Variants in SLC15A3 observed in about 807,000 individuals in gnomAD.
The protein encoded by SLC15A3 is solute carrier family 15 member 3.
A neutral mutation model predicts 49.2 loss-of-function variants in SLC15A3; 39 were observed. That is an observed-to-expected ratio of 0.79 (90% CI 0.61 to 1.04). The LOEUF is 1.04. SLC15A3 is among the 50% of genes least tolerant of loss of function. The pLI is 0.00. For synonymous variants in SLC15A3, 339 were observed against 367.0 expected (o/e 0.92, Z 0.87); for missense variants, 758 against 794.8 (o/e 0.95, Z 0.56).
intron 2 of SLC15A3, among the ~76,000 whole-genome samples, chr11:60,945,014 G>A (rs1856780593): frequency 6.6e-6 from 1 of 152,174 alleles, no homozygotes; most frequent in Non-Finnish European, 1.5e-5. Context: ...ACCAACAGGT[G>A]GAGTTTACTT....
Position 60,938,016 on chromosome 11 carries a change from A to G in SLC15A3, c.1445T>C (p.Phe482Ser), listed in dbSNP as rs1177319565. 6.2e-7 allele frequency: 1 copy of G among 1,613,664 alleles called. No homozygotes were observed. Among genetic ancestry groups the G allele is most frequent in the African/African-American group, 1.3e-5 (1 of 74,924 alleles). Residue 482 changes from phenylalanine to serine, a missense_variant, in exon 7 of 8, where the codon TTT (phenylalanine) becomes TCT (serine). By Grantham distance (155) the Phe-to-Ser change is radical. Transcript: ENST00000227880. ...GGAGCGCGGGGCCTCTGAGTAGGCAAACTCCAGGCCTGCAGAGGGGGAGCA... is the reference window on the plus strand; with the variant it reads ...GGAGCGCGGGGCCTCTGAGTAGGCAGACTCCAGGCCTGCAGAGGGGGAGCA... ...EIFASIPGLE[F>S]AYSEAPRSMQ... is the part of the protein sequence containing the mutation.
intron 7 of SLC15A3, 154 bp from the exon 8 acceptor site, chr11:60,937,527 T>C: frequency 1.0e-6 from 1 of 972,002 alleles, no homozygotes; most frequent in Admixed American, 2.1e-5. Flanking sequence ...AATGTTTGAC[T>C]TCCTGAAGAT....
rs61744893 is a variant in SLC15A3, at chr11:60,943,779, G to A, written c.906C>T (p.Ser302=). 11,264 of 1,603,832 alleles carry A rather than the reference G, an allele frequency of 7.0e-3. 646 individuals carry two copies. The African/African-American group carries it at 0.13, about 18-fold the overall frequency. The change falls in exon 3 of 8, where the codon TCC becomes TCT. Residue 302 remains serine (S), a synonymous_variant. Coordinates refer to ENST00000227880, the MANE Select transcript of SLC15A3 (RefSeq NM_016582.3). The stretch of plus-strand genomic sequence containing the variant: ...GGAAGTTGGCGATGTCCTCTTGCGG[G>A]GAAGCCCCTGGCTGGGGAGACCTCT... ...ADERSPQPGA[S]PQEDIANFQV...
rs1856917093 is a variant in SLC15A3, at chr11:60,951,303, G to GGAGGC, written c.244_248dup (p.Tyr84ProfsTer106). The GGAGGC allele has an allele frequency of 9.8e-6, 15 of 1,526,910 alleles. No individual in the cohort carries two copies. The highest frequency in any genetic ancestry group is 1.2e-5 in the Non-Finnish European group (14 of 1,139,640). 94.6% of individuals were successfully genotyped at this position (1,526,910 alleles called of 1,614,324 possible). A position where few individuals can be genotyped will look rare whatever the true frequency, so the allele number is the denominator to read the frequency against. On this transcript the variant is annotated frameshift_variant, in exon 1 of 8. Transcript: ENST00000227880. LOFTEE classifies it high-confidence loss of function. Reference sequence around the variant, plus strand: ...AGCCGCCCACGGGCGCCAGCAGGTAGGAGGCGCCCAGGAATACCAGCGCGG... The same window carrying GGAGGC: ...AGCCGCCCACGGGCGCCAGCAGGTAGGAGGCGAGGCGCCCAGGAATACCAGCGCGG...
At chr11:60,945,331 G>A (rs577595338) in intron 2 of SLC15A3, among the ~76,000 whole-genome samples, 1 of 152,348 alleles carries the variant, frequency 6.6e-6, no homozygotes, top group Admixed American at 6.5e-5. Context: ...TAAGTGAGCA[G>A]ACTCAGAAGT....
chr11:60,945,040 C>T (rs1471781843), intron 2 of SLC15A3, among the ~76,000 whole-genome samples: 2 of 152,188 alleles, frequency 1.3e-5, no homozygotes, highest in Non-Finnish European at 2.9e-5. Flanking sequence ...GCCATTGTTT[C>T]CCTGCTGGCC....
At chr11:60,949,946 A>C (rs1240669822) in intron 1 of SLC15A3, among the ~76,000 whole-genome samples, 3 of 152,186 alleles carry the variant, frequency 2.0e-5, no homozygotes, top group Non-Finnish European at 4.4e-5. Flanking sequence ...ATAATATTAC[A>C]TTTTAGTCTA....
At position 60,951,197 on chromosome 11, in the gene SLC15A3, G is replaced by A; in HGVS notation, c.355C>T (p.Pro119Ser). ...LLYLAASGLL[P>S]ATAFPDGRSS... ...CGGCCGTCGGGGAAGGCGGTGGCGG[G>A]CAGCAGGCCCGAGGCGGCCAGGTAG... Residue 119 changes from proline to serine, a missense_variant, in exon 1 of 8, where the codon CCC (proline) becomes TCC (serine). Around this residue, in one of 3 missense-constraint regions of SLC15A3, gnomAD observed 699 missense variants for 706.7 expected, o/e 0.99. Coordinates refer to ENST00000227880, the MANE Select transcript of SLC15A3 (RefSeq NM_016582.3). 1.3e-6 allele frequency: 2 copies of A among 1,499,474 alleles called. No individual in the cohort carries two copies. Among genetic ancestry groups the A allele is most frequent in the South Asian group, 1.2e-5 (1 of 80,068 alleles). The allele number at this position is 1,499,474 out of a possible 1,614,324, so 92.9% of individuals were successfully genotyped here. A position where few individuals can be genotyped will look rare whatever the true frequency, so the allele number is the denominator to read the frequency against.
intron 7 of SLC15A3, 110 bp from the exon 8 acceptor site, chr11:60,937,483 G>A: frequency 7.1e-7 from 1 of 1,416,802 alleles, no homozygotes; most frequent in East Asian, 2.3e-5. Context: ...TGTGGGCAGT[G>A]GTGGGATCTG....
intron 1 of SLC15A3, among the ~76,000 whole-genome samples, chr11:60,950,037 T>C (rs1334612444): frequency 2.0e-5 from 3 of 152,216 alleles, no homozygotes; most frequent in Non-Finnish European, 4.4e-5. Flanking sequence ...ATTTAGCAAA[T>C]ACTTATTAAA....
chr11:60,942,137 G>A lies in SLC15A3; in HGVS notation c.1005C>T (p.Ser335=), dbSNP rs201280183. 2 of 1,613,862 alleles carry A rather than the reference G, an allele frequency of 1.2e-6. No individual in the cohort carries two copies. The highest frequency in any genetic ancestry group is 4.5e-5 in the East Asian group (2 of 44,878). ...PYWMVYFQMQ[S]TYVLQGLHLH... Reference sequence around the variant, plus strand: ...GGTGAAGACCCTGCAGGACATAGGTGGACTGCATCTGCCAAGAGAGACAGG... The same window carrying A: ...GGTGAAGACCCTGCAGGACATAGGTAGACTGCATCTGCCAAGAGAGACAGG... The change falls in exon 4 of 8, where the codon TCC becomes TCT. Residue 335 remains serine (S), a synonymous_variant. Coordinates refer to ENST00000227880, the MANE Select transcript of SLC15A3 (RefSeq NM_016582.3).
Position 60,951,537 on chromosome 11 carries a change from G to T in SLC15A3, c.15C>A (p.Arg5=), listed in dbSNP as rs1378204369. 1 of 1,145,020 alleles carries T rather than the reference G, an allele frequency of 8.7e-7. No individual in the cohort carries two copies. 70.9% of individuals were successfully genotyped at this position (1,145,020 alleles called of 1,614,324 possible). A position where few individuals can be genotyped will look rare whatever the true frequency, so the allele number is the denominator to read the frequency against. Residue 5 remains arginine, a synonymous_variant, in exon 1 of 8, where the codon CGC becomes CGA. Coordinates refer to ENST00000227880, the MANE Select transcript of SLC15A3 (RefSeq NM_016582.3). ...CGGGCACGCGGGGCTGCTCCCGGGC[G>T]CGCGGCGCGGGCATCCTGGCTCCGG... MPAP[R]AREQPRVPGE... is the part of the protein sequence containing the mutation.
chr11:60,949,564 G>GAAAGAAAACA, intron 1 of SLC15A3, among the ~76,000 whole-genome samples: 1 of 117,912 alleles, frequency 8.5e-6, no homozygotes, highest in Non-Finnish European at 1.9e-5. Context: ...AAGAAAGAAA[G>GAAAGAAAACA]AAAGAAAAGA....
At position 60,951,201 on chromosome 11, in the gene SLC15A3, C is replaced by A. The variant is rs1384148753; in HGVS notation, c.351G>T (p.Leu117=). 1 of 1,500,558 alleles carries A rather than the reference C, an allele frequency of 6.7e-7. No individual in the cohort carries two copies. The highest frequency in any genetic ancestry group is 8.8e-7 in the Non-Finnish European group (1 of 1,131,810). 93.0% of individuals were successfully genotyped at this position (1,500,558 alleles called of 1,614,324 possible). Residue 117 remains leucine, a synonymous_variant, in exon 1 of 8, where the codon CTG becomes CTT. Transcript: ENST00000227880. ...CGTCGGGGAAGGCGGTGGCGGGCAGCAGGCCCGAGGCGGCCAGGTAGAGCA... is the reference window on the plus strand; with the variant it reads ...CGTCGGGGAAGGCGGTGGCGGGCAGAAGGCCCGAGGCGGCCAGGTAGAGCA... ...SLLLYLAASG[L]LPATAFPDGR...
rs548000514 is a variant in SLC15A3, at chr11:60,938,005, C to T, written c.1456G>A (p.Glu486Lys). The change falls in exon 7 of 8, where the codon GAG (glutamate) becomes AAG (lysine). Residue 486 changes from glutamate to lysine, a missense_variant. Glu to Lys is a moderately conservative substitution (Grantham distance 56). This residue lies in a region of SLC15A3 where 699 missense variants were observed against 706.7 expected (regional missense o/e 0.99). Transcript: ENST00000227880. ...GCGCCCTGCATGGAGCGCGGGGCCT[C>T]TGAGTAGGCAAACTCCAGGCCTGCA... ...SIPGLEFAYS[E>K]APRSMQGAIM... is the part of the protein sequence containing the mutation. The T allele has an allele frequency of 1.2e-6, 2 of 1,613,898 alleles. No individual in the cohort carries two copies. The highest frequency in any genetic ancestry group is 1.3e-5 in the African/African-American group (1 of 75,046).
At chr11:60,941,379 G>A in intron 4 of SLC15A3, 89 bp from the exon 5 acceptor site, 1 of 1,379,202 alleles carries the variant, frequency 7.3e-7, no homozygotes, top group Non-Finnish European at 9.8e-7. Context: ...ACTGGCCCTG[G>A]GTGACCCTGG....
At chr11:60,949,546 A>AAGAAAGAAAGAAAG (rs1431298911) in intron 1 of SLC15A3, among the ~76,000 whole-genome samples, 1 of 78,224 alleles carries the variant, frequency 1.3e-5, no homozygotes, top group African/African-American at 2.8e-5. Context: ...GAAAGAAAGA[A>AAGAAAGAAAGAAAG]AGAAAGAAAG....
chr11:60,941,232 A>G lies in SLC15A3; in HGVS notation c.1166T>C (p.Leu389Pro). The change falls in exon 5 of 8, where the codon CTG becomes CCG. Residue 389 changes from leucine (L) to proline (P), a missense_variant. Physicochemically the swap from Leu to Pro is moderately conservative, Grantham distance 98 (BLOSUM62 -3). Coordinates refer to ENST00000227880, the MANE Select transcript of SLC15A3 (RefSeq NM_016582.3). ...TAAAGGGTCGATCAAGCGGTCCTTCAGAGGGACCAGAATCAGCACCACCAC... is the reference window on the plus strand; with the variant it reads ...TAAAGGGTCGATCAAGCGGTCCTTCGGAGGGACCAGAATCAGCACCACCAC... ...NVVVVLILVP[L>P]KDRLIDPLLL... 1 of 1,614,182 alleles carries G rather than the reference A, an allele frequency of 6.2e-7. No homozygotes were observed. Among genetic ancestry groups the G allele is most frequent in the South Asian group, 1.1e-5 (1 of 91,054 alleles).
At chr11:60,945,374 C>T (rs971637261) in intron 2 of SLC15A3, among the ~76,000 whole-genome samples, 10 of 152,180 alleles carry the variant, frequency 6.6e-5, no homozygotes, top group Non-Finnish European at 1.3e-4. Flanking sequence ...ATGACTGCAA[C>T]CCCAGTGCCA....
Sources: allele counts gnomAD v4.1 joint callset (sites outside exome capture counted in the v4.1 genomes callset), GRCh38; gene constraint gnomAD v4.1.1; regional missense constraint gnomAD v4.1.1; transcripts MANE v1.5; gene names NCBI Gene and HGNC (gene_info 2026-07-23, HGNC 2026-07-21).